Variants in TNN observed in about 807,000 individuals in gnomAD.
TNN encodes the protein tenascin N, also known as tenascin-N.
In TNN, 122 loss-of-function variants were observed where a neutral mutation model predicts 134.4. The ratio of observed to expected loss-of-function variants is 0.91; its 90% CI spans 0.78 to 1.06. The LOEUF (loss-of-function observed/expected upper bound fraction) is 1.06. TNN is among the 50% of genes least tolerant of loss of function. The pLI, the probability that TNN is intolerant of heterozygous loss-of-function variation, is 0.00. For synonymous variants in TNN, 710 were observed against 670.3 expected, an observed-to-expected ratio of 1.06 and a Z score of -0.91; for missense variants, 1,739 against 1,699.4, an observed-to-expected ratio of 1.02 and a Z score of -0.41.
Position 175,125,821 on chromosome 1 carries a change from CCTTT to C in TNN, c.2915-1121_2915-1118del, listed in dbSNP as rs143968050. On this transcript the variant is annotated intron_variant, in intron 12 of 18. Coordinates refer to ENST00000239462, the MANE Select transcript of TNN (RefSeq NM_022093.2). The stretch of plus-strand genomic sequence containing the variant: ...TCCTTCCTTCCTTCCCTCCCTCCCT[CCTTT>C]CTTTCTTTCTTTTTTCTTTTTCTTT... Among the ~76,000 whole-genome samples the C allele has an allele frequency of 6.3e-5, 6 of 95,292 alleles. No homozygotes were observed. The South Asian group carries it at 1.7e-3, about 27-fold the overall frequency. 62.5% of individuals were successfully genotyped at this position (95,292 alleles called of 152,430 possible).
At position 175,077,806 on chromosome 1, in the gene TNN, C is replaced by A. The variant is rs543422730; in HGVS notation, c.388C>A (p.Arg130Ser). The A allele has an allele frequency of 1.9e-6, 3 of 1,611,650 alleles. No homozygotes were observed. The highest frequency in any genetic ancestry group is 2.5e-6 in the Non-Finnish European group (3 of 1,178,010). ...GATGAAGGAACAGTGTAGTGCCCAG[C>A]GCTGCTGCCAGGGAGTCACTGGTGA... ...VEMKEQCSAQ[R>S]CCQGVTDLSR... Residue 130 changes from arginine (R) to serine (S), a missense_variant, in exon 2 of 19, where the codon CGC (arginine) becomes AGC (serine). Arg to Ser is a moderately radical substitution (Grantham distance 110, BLOSUM62 -1). Transcript: ENST00000239462.
In TNN at chr1:175,146,995, G is replaced by A. The variant is rs773575862; in HGVS notation, c.3824G>A (p.Arg1275His). 3 of 1,594,684 alleles carry A rather than the reference G, an allele frequency of 1.9e-6. No individual in the cohort carries two copies. Among genetic ancestry groups the A allele is most frequent in the South Asian group, 1.1e-5 (1 of 90,010 alleles). ...ATTCCTTACGTGGAGTTGAAAATCCGCCCTCATGGCTACAGCAGGGAGCCT... is the reference window on the plus strand; with the variant it reads ...ATTCCTTACGTGGAGTTGAAAATCCACCCTCATGGCTACAGCAGGGAGCCT... ...FSIPYVELKI[R>H]PHGYSREPVL... Residue 1275 changes from arginine (R) to histidine (H), a missense_variant, in exon 19 of 19, where the codon CGC becomes CAC. By Grantham distance (29) the Arg-to-His change is conservative (BLOSUM62 0). Transcript: ENST00000239462.
intron 18 of TNN, 87 bp downstream of exon 18, chr1:175,144,637 C>T (rs1028569712): frequency 3.1e-5 from 43 of 1,393,744 alleles, no homozygotes; most frequent in African/African-American, 2.9e-4. Flanking sequence ...GTCTGGCAGC[C>T]CCTCTCCTTC....
chr1:175,138,773 C>T (rs1675878447), intron 17 of TNN, among the ~76,000 whole-genome samples: 1 of 152,192 alleles, frequency 6.6e-6, no homozygotes, highest in African/African-American at 2.4e-5. Flanking sequence ...ATTCTGAGAA[C>T]TGCATTGTTA....
intron 9 of TNN, among the ~76,000 whole-genome samples, chr1:175,108,756 G>C (rs188965714): frequency 2.0e-5 from 3 of 151,400 alleles, no homozygotes; most frequent in Non-Finnish European, 2.9e-5. Context: ...CTCTGAGTGC[G>C]GGGCCCTCCA....
chr1:175,114,807 C>G (rs1235298758), intron 9 of TNN, among the ~76,000 whole-genome samples: 1 of 152,110 alleles, frequency 6.6e-6, no homozygotes, highest in Admixed American at 6.5e-5. Context: ...ATTTGGAAAC[C>G]TGCACCAATA....
chr1:175,115,358 C>T (rs1187002089), intron 9 of TNN, among the ~76,000 whole-genome samples: 1 of 152,154 alleles, frequency 6.6e-6, no homozygotes, highest in Non-Finnish European at 1.5e-5. Context: ...GCAGTTTCAG[C>T]TCAGGCCCCT....
intron 12 of TNN, among the ~76,000 whole-genome samples, chr1:175,125,862 CTTTTTCTTTCTTTCTTTTCTTT>C (rs1558369551): frequency 2.3e-3 from 17 of 7,522 alleles, no homozygotes; most frequent in Non-Finnish European, 3.9e-3. Flanking sequence ...TTTCTTTTTT[CTTTTTCTTTCTTTCTTTTCTTT>C]TTTTCTTTCT....
intron 1 of TNN, among the ~76,000 whole-genome samples, chr1:175,074,729 C>G (rs1423672475): frequency 1.3e-5 from 2 of 152,094 alleles, no homozygotes; most frequent in South Asian, 4.1e-4. Flanking sequence ...AAAGAAAAAC[C>G]CTTCATAGGT....
rs368373781 is a variant in TNN at position 175,123,435 on chromosome 1, G to T, written c.2686G>T (p.Val896Leu). 25 of 1,614,062 alleles carry T rather than the reference G, an allele frequency of 1.5e-5. No individual in the cohort carries two copies. Among genetic ancestry groups the T allele is most frequent in the Non-Finnish European group, 2.1e-5 (25 of 1,180,040 alleles). The change falls in exon 12 of 19, where the codon GTG becomes TTG. Residue 896 changes from valine (V) to leucine (L), a missense_variant. By Grantham distance (32) the Val-to-Leu change is conservative (BLOSUM62 1). Transcript: ENST00000239462. Reference protein sequence around the residue: ...DGPKNLVTDWVTENMATVSWD... With the variant: ...DGPKNLVTDWLTENMATVSWD... ...CCCCAAAAACCTAGTGACTGACTGG[G>T]TGACGGAGAATATGGCCACTGTCTC...
At chr1:175,100,668 T>C (rs1674698923) in intron 9 of TNN, among the ~76,000 whole-genome samples, 2 of 150,954 alleles carry the variant, frequency 1.3e-5, no homozygotes, top group South Asian at 4.2e-4. Context: ...AAACGGCTTT[T>C]GCAATGAATT....
At chr1:175,125,422 T>C (rs1424023486) in intron 12 of TNN, among the ~76,000 whole-genome samples, 4 of 152,036 alleles carry the variant, frequency 2.6e-5, no homozygotes, top group Admixed American at 6.5e-5. Context: ...TGAGCTTCTG[T>C]TTTCCTGGTC....
chr1:175,091,092 G>T (rs1157731746), intron 6 of TNN, among the ~76,000 whole-genome samples: 1 of 152,226 alleles, frequency 6.6e-6, no homozygotes, highest in Non-Finnish European at 1.5e-5. Context: ...TTTCAGTCCT[G>T]CAAAGCTGGC....
At position 175,094,222 on chromosome 1, in the gene TNN, G is replaced by A; in HGVS notation, c.1557G>A (p.Gly519=). The A allele has an allele frequency of 6.2e-7, 1 of 1,610,720 alleles. No individual in the cohort carries two copies. The highest frequency in any genetic ancestry group is 1.3e-5 in the African/African-American group (1 of 74,972). The part of the protein sequence containing the change: ...VYVWAERGNQ[G]SKKADTNALT... ...TGTGGGCTGAAAGGGGCAACCAGGGGAGCAAGAAAGCTGACACCAATGCCC... is the reference window on the plus strand; with the variant it reads ...TGTGGGCTGAAAGGGGCAACCAGGGAAGCAAGAAAGCTGACACCAATGCCC... Residue 519 remains glycine, a synonymous_variant, in exon 7 of 19, where the codon GGG becomes GGA. Transcript: ENST00000239462.
At chr1:175,127,774 G>A (rs12021634) in intron 13 of TNN, among the ~76,000 whole-genome samples, 27,489 of 152,134 alleles carry the variant, frequency 0.18, 2,744 homozygotes, top group East Asian at 0.23. Flanking sequence ...AAACTTGGCC[G>A]GTGATCCTGA....
rs775420349 is a variant in TNN at position 175,128,590 on chromosome 1, C to A, written c.3179-5C>A. Reference sequence around the variant, plus strand: ...CTAACAACACTCTCTCTGCTTGGCTCCCAGTTGGTGCCCGTTTCCCACACC... The same window carrying A: ...CTAACAACACTCTCTCTGCTTGGCTACCAGTTGGTGCCCGTTTCCCACACC... On this transcript the variant is annotated splice_polypyrimidine_tract_variant and splice_region_variant and intron_variant, in intron 14 of 18. Coordinates refer to ENST00000239462, the MANE Select transcript of TNN (RefSeq NM_022093.2). 2 of 1,608,768 alleles carry A rather than the reference C, an allele frequency of 1.2e-6. No individual in the cohort carries two copies. Among genetic ancestry groups the A allele is most frequent in the South Asian group, 1.1e-5 (1 of 90,240 alleles).
chr1:175,106,658 A>T (rs994191178), intron 9 of TNN, among the ~76,000 whole-genome samples: 1 of 146,348 alleles, frequency 6.8e-6, no homozygotes, highest in Admixed American at 6.8e-5. Context: ...GGGTCAGGAT[A>T]GATAGGATAG....
At chr1:175,109,050 T>C (rs1674946112) in intron 9 of TNN, among the ~76,000 whole-genome samples, 1 of 150,162 alleles carries the variant, frequency 6.7e-6, no homozygotes, top group Non-Finnish European at 1.5e-5. Context: ...AACACTAGAA[T>C]GTATTTCTTC....
chr1:175,091,676 C>G (rs1337526676), intron 6 of TNN, among the ~76,000 whole-genome samples: 1 of 151,662 alleles, frequency 6.6e-6, no homozygotes, highest in Non-Finnish European at 1.5e-5. Flanking sequence ...GCAACCTCTG[C>G]CTTCCAGGTT....
Sources: gnomAD v4.1 joint callset for allele counts (sites outside exome capture counted in the v4.1 genomes callset) on GRCh38, gnomAD v4.1.1 for gene constraint, MANE v1.5 for transcripts, NCBI Gene and HGNC (gene_info 2026-07-23, HGNC 2026-07-21) for gene names.